KCNQ5: variants seen among roughly 807,000 people sequenced by gnomAD.
The protein encoded by KCNQ5 is potassium voltage-gated channel subfamily KQT member 5.
KCNQ5 carries 30 observed loss-of-function variants against 98.2 expected under a neutral mutation model. The ratio of observed to expected loss-of-function variants is 0.31; its 90% CI spans 0.23 to 0.41. The LOEUF (loss-of-function observed/expected upper bound fraction) is 0.41. Ranked by LOEUF, KCNQ5 falls within the 10% of genes least tolerant of loss-of-function variation. The probability of loss-of-function intolerance (pLI) is 1.00; values close to 1 mark genes in which losing one functional copy is unlikely to be tolerated. For synonymous variants in KCNQ5, 458 were observed against 449.4 expected (o/e 1.02, Z -0.24); for missense variants, 835 against 1,182.5 (o/e 0.71, Z 4.31).
intron 1 of KCNQ5, among the ~76,000 whole-genome samples, chr6:72,786,745 G>A (rs1017109067): frequency 1.3e-5 from 2 of 152,010 alleles, no homozygotes; most frequent in East Asian, 1.9e-4. Flanking sequence ...GGTGGCTCAC[G>A]CCTGTAATCC....
chr6:73,186,921 C>T (rs1765387928), intron 11 of KCNQ5, among the ~76,000 whole-genome samples: 1 of 152,076 alleles, frequency 6.6e-6, no homozygotes, highest in Non-Finnish European at 1.5e-5. Flanking sequence ...AGGTATTTCT[C>T]CTAATGCTAT....
intron 1 of KCNQ5, among the ~76,000 whole-genome samples, chr6:72,921,096 A>C (rs59842658): frequency 0.015 from 2,280 of 152,232 alleles, 53 homozygotes; most frequent in African/African-American, 0.051. Context: ...AGAGGAGGAG[A>C]CAGACTAAAA....
In KCNQ5 at chr6:72,622,500, G is replaced by A; in HGVS notation, c.311G>A (p.Arg104His). 6.2e-7 allele frequency: 1 copy of A among 1,610,462 alleles called. No individual in the cohort carries two copies. Residue 104 changes from arginine to histidine, a missense_variant, in exon 1 of 14, where the codon CGC becomes CAC. By Grantham distance (29) the Arg-to-His change is conservative (BLOSUM62 0). Around this residue, in one of 10 missense-constraint regions of KCNQ5, gnomAD observed 54 missense variants for 51.5 expected, o/e 1.05. Coordinates refer to ENST00000370398, the MANE Select transcript of KCNQ5 (RefSeq NM_019842.4). This position sits in a 1 kb window ranked among gnomAD's most constrained non-coding sequence, Gnocchi z 6.0. ...LSYTSSQSCR[R>H]NVKYRRVQNY... ...TACACGAGTAGCCAGAGCTGCCGGCGCAACGTCAAGTACCGGCGGGTGCAG... is the reference window on the plus strand; with the variant it reads ...TACACGAGTAGCCAGAGCTGCCGGCACAACGTCAAGTACCGGCGGGTGCAG...
rs1439217070 is a variant in KCNQ5 at position 72,892,361 on chromosome 6, G to T, written c.399-111547G>T. Among the ~76,000 whole-genome samples, 3 of 152,148 alleles carry T rather than the reference G, an allele frequency of 2.0e-5. No homozygotes were observed. The East Asian group carries it at 5.8e-4, about 29-fold the overall frequency. On this transcript the variant is annotated intron_variant, in intron 1 of 13. Coordinates refer to ENST00000370398, the MANE Select transcript of KCNQ5 (RefSeq NM_019842.4). The stretch of plus-strand genomic sequence containing the variant: ...TAGGTCAAGTTTGATCAGATAATTT[G>T]TAGTGCCTCAATTGGTCAGAGCCCT...
intron 1 of KCNQ5, among the ~76,000 whole-genome samples, chr6:72,937,290 GCTGCCAAC>G (rs1226089828): frequency 6.6e-6 from 1 of 152,066 alleles, no homozygotes; most frequent in Admixed American, 6.5e-5. Flanking sequence ...GACAAATTCA[GCTGCCAAC>G]TGAAGTCCAT....
rs572726247 is a variant in KCNQ5 at position 73,089,292 on chromosome 6, A to G, written c.918+11405A>G. ...ATACATTCTATGAATAAAGATGAAC[A>G]GAATAAGGATTTAGGAAACAGTTGG... On this transcript the variant is annotated intron_variant, in intron 5 of 13. Transcript: ENST00000370398. Among the ~76,000 whole-genome samples the G allele has an allele frequency of 5.2e-4, 79 of 152,300 alleles. 1 individual carries two copies. Among genetic ancestry groups the G allele is most frequent in the South Asian group, 8.3e-4 (4 of 4,830 alleles).
intron 10 of KCNQ5, among the ~76,000 whole-genome samples, chr6:73,167,280 G>C (rs566858491): frequency 1.3e-5 from 2 of 152,182 alleles, no homozygotes; most frequent in African/African-American, 2.4e-5. Context: ...ACATGTATCT[G>C]ACAGGAGCAG....
At chr6:72,796,301 C>T (rs1774332815) in intron 1 of KCNQ5, among the ~76,000 whole-genome samples, 1 of 152,092 alleles carries the variant, frequency 6.6e-6, no homozygotes, top group Non-Finnish European at 1.5e-5. Flanking sequence ...GAGATTTTGT[C>T]ATTGTCAGTT....
chr6:73,064,508 T>C (rs1247325105), intron 3 of KCNQ5, among the ~76,000 whole-genome samples: 1 of 152,164 alleles, frequency 6.6e-6, no homozygotes, highest in Admixed American at 6.5e-5. Context: ...TGATTATTCA[T>C]TGGTGGAATC....
intron 1 of KCNQ5, among the ~76,000 whole-genome samples, chr6:72,728,501 A>G (rs1770397966): frequency 6.6e-6 from 1 of 152,144 alleles, no homozygotes; most frequent in Non-Finnish European, 1.5e-5. Context: ...CAGAATATTC[A>G]TTGTGATTAT....
intron 1 of KCNQ5, among the ~76,000 whole-genome samples, chr6:72,716,721 T>C (rs959299716): frequency 1.1e-4 from 16 of 152,218 alleles, no homozygotes; most frequent in African/African-American, 3.9e-4. Context: ...TATTTAGGTT[T>C]TCTGACATTT....
intron 11 of KCNQ5, among the ~76,000 whole-genome samples, chr6:73,173,450 C>A (rs1778086410): frequency 6.6e-6 from 1 of 152,118 alleles, no homozygotes; most frequent in Non-Finnish European, 1.5e-5. Flanking sequence ...TAGTAGATCA[C>A]CCATTTTTCT....
intron 1 of KCNQ5, among the ~76,000 whole-genome samples, chr6:72,797,571 A>G (rs1774409808): frequency 1.3e-5 from 2 of 152,150 alleles, no homozygotes; most frequent in Admixed American, 6.5e-5. Flanking sequence ...TACCCCTAAC[A>G]TGCTATCAGA....
Position 73,194,732 on chromosome 6 carries a change from GCCCTAC to G in KCNQ5, c.2118_2123del (p.Pro707_Thr708del). ...AGTGCCCAGACTTTCTACGCGCTTAGCCCTACTATGCACAGTCAAGCAACACAGGTG... is the reference window on the plus strand; with the variant it reads ...AGTGCCCAGACTTTCTACGCGCTTAGTATGCACAGTCAAGCAACACAGGTG... On this transcript the variant is annotated inframe_deletion, in exon 14 of 14. Coordinates refer to ENST00000370398, the MANE Select transcript of KCNQ5 (RefSeq NM_019842.4). 4.3e-6 allele frequency: 7 copies of G among 1,614,216 alleles called. No homozygotes were observed. Among genetic ancestry groups the G allele is most frequent in the Non-Finnish European group, 3.4e-6 (4 of 1,180,044 alleles).
intron 1 of KCNQ5, among the ~76,000 whole-genome samples, chr6:72,996,322 C>A (rs1769297099): frequency 6.6e-6 from 1 of 152,188 alleles, no homozygotes; most frequent in Non-Finnish European, 1.5e-5. Context: ...AGATCACAGT[C>A]TCCGAAACCT....
At chr6:72,626,768 A>G (rs2098918176) in intron 1 of KCNQ5, among the ~76,000 whole-genome samples, 1 of 152,172 alleles carries the variant, frequency 6.6e-6, no homozygotes, top group Non-Finnish European at 1.5e-5. Flanking sequence ...ATCATACTAG[A>G]AAGGTGAGAG....
chr6:72,825,156 A>C (rs1328280321), intron 1 of KCNQ5, among the ~76,000 whole-genome samples: 9 of 152,168 alleles, frequency 5.9e-5, no homozygotes, highest in East Asian at 3.9e-4. Flanking sequence ...ACAACAACAA[A>C]AAAACGAACA....
At chr6:72,949,134 G>A (rs538752399) in intron 1 of KCNQ5, among the ~76,000 whole-genome samples, 2 of 152,218 alleles carry the variant, frequency 1.3e-5, no homozygotes, top group South Asian at 4.2e-4. Flanking sequence ...TTCTCAAATG[G>A]ATGCTGAAGG....
intron 11 of KCNQ5, among the ~76,000 whole-genome samples, chr6:73,182,382 G>T (rs1158158376): frequency 6.6e-6 from 1 of 152,112 alleles, no homozygotes; most frequent in Admixed American, 6.5e-5. Context: ...TCTAGACTCT[G>T]AGTCGCTCTG....
Sources: gnomAD v4.1 joint callset for allele counts (sites outside exome capture counted in the v4.1 genomes callset) on GRCh38, gnomAD v4.1.1 for gene constraint, gnomAD v4.1.1 regional missense constraint, Gnocchi (gnomAD v3.1) non-coding constraint, MANE v1.5 for transcripts, NCBI Gene and HGNC (gene_info 2026-07-23, HGNC 2026-07-21) for gene names.